The following CFAP20DC variants were observed in gnomAD, a reference collection of about 807,000 sequenced individuals.
CFAP20DC encodes protein CFAP20DC.
In CFAP20DC, 84 loss-of-function variants were observed where a neutral mutation model predicts 101.7. The observed-to-expected ratio is 0.83, with a 90% CI of 0.69 to 0.99. CFAP20DC has a LOEUF of 0.99. CFAP20DC is among the 50% of genes least tolerant of loss of function. CFAP20DC has a pLI of 0.00. For missense variants in CFAP20DC, 1,007 were observed against 970.3 expected (o/e 1.04, Z -0.50); for synonymous variants, 359 against 351.2 (o/e 1.02, Z -0.25).
At chr3:58,962,543 T>A (rs943253860) in intron 4 of CFAP20DC, among the ~76,000 whole-genome samples, 1 of 152,212 alleles carries the variant, frequency 6.6e-6, no homozygotes, top group African/African-American at 2.4e-5. Flanking sequence ...ACTTTACTTT[T>A]AAGCCTGGCT....
At chr3:58,813,389 A>T (rs978670221) in intron 14 of CFAP20DC, among the ~76,000 whole-genome samples, 4 of 151,942 alleles carry the variant, frequency 2.6e-5, no homozygotes, top group Non-Finnish European at 5.9e-5. Context: ...TGCGATTCTA[A>T]TAAGAAATCA....
At chr3:58,970,147 G>A (rs940946279) in intron 4 of CFAP20DC, among the ~76,000 whole-genome samples, 26 of 152,118 alleles carry the variant, frequency 1.7e-4, no homozygotes, top group African/African-American at 6.0e-4. Context: ...CCATTACTAT[G>A]AAACACACTA....
chr3:58,806,014 TTAAAA>T (rs2074026978), intron 15 of CFAP20DC, among the ~76,000 whole-genome samples: 1 of 152,156 alleles, frequency 6.6e-6, no homozygotes, highest in Non-Finnish European at 1.5e-5. Context: ...CAGACACCTA[TTAAAA>T]TAAAATAGTT....
chr3:58,923,406 G>A (rs2085603733), intron 5 of CFAP20DC, among the ~76,000 whole-genome samples: 1 of 151,920 alleles, frequency 6.6e-6, no homozygotes, highest in South Asian at 2.1e-4. Context: ...CGTAGCATCA[G>A]TTTACTGGCA....
intron 12 of CFAP20DC, among the ~76,000 whole-genome samples, chr3:58,849,890 C>G (rs2078069981): frequency 6.6e-6 from 1 of 152,052 alleles, no homozygotes; most frequent in Admixed American, 6.6e-5. Context: ...GCATTTTTAC[C>G]TTATTGTAGG....
intron 3 of CFAP20DC, 132 bp downstream of exon 3, chr3:59,046,097 T>C (rs886676161): frequency 4.6e-6 from 3 of 658,118 alleles, no homozygotes; most frequent in African/African-American, 3.8e-5. Context: ...GCCCTCTAAA[T>C]TAAAAAAAAA....
At chr3:58,907,408 C>A (rs1054356609) in intron 6 of CFAP20DC, among the ~76,000 whole-genome samples, 1 of 152,130 alleles carries the variant, frequency 6.6e-6, no homozygotes, top group African/African-American at 2.4e-5. Flanking sequence ...AGGTTTCTTG[C>A]CAGACCCTGA....
rs2093347951 is a variant in CFAP20DC, at chr3:59,002,945, A to G, written c.278+36612T>C. On this transcript the variant is annotated intron_variant, in intron 4 of 16. Transcript: ENST00000482387. The surrounding 1 kb of genome is among the most constrained non-coding windows in gnomAD (Gnocchi z 4.5). The stretch of plus-strand genomic sequence containing the variant: ...CACTTGCCCAAGGTCTTGGTTACTG[A>G]CAGAGCTATAATGCATCCAAGATTT... 6.6e-6 allele frequency among the ~76,000 whole-genome samples: 1 copy of G among 152,208 alleles called. No homozygotes were observed. The highest frequency in any genetic ancestry group is 2.4e-5 in the African/African-American group (1 of 41,448).
In CFAP20DC at chr3:58,874,115, C is replaced by A. The variant is rs569629376; in HGVS notation, c.716-3806G>T. Among the ~76,000 whole-genome samples, 1 of 152,244 alleles carries A rather than the reference C, an allele frequency of 6.6e-6. No homozygotes were observed. The highest frequency in any genetic ancestry group is 6.5e-5 in the Admixed American group (1 of 15,288). On this transcript the variant is annotated intron_variant, in intron 7 of 16. Coordinates refer to ENST00000482387, the MANE Select transcript of CFAP20DC (RefSeq NM_001394063.1). This position sits in a 1 kb window ranked among gnomAD's most constrained non-coding sequence, Gnocchi z 5.1. ...TTATATCCAGTAGCCTCTTTACCAG[C>A]TCCTCTTCAGTGTCTGAAAGGCACT...
chr3:58,790,860 G>C (rs1046340127), intron 15 of CFAP20DC, among the ~76,000 whole-genome samples: 1 of 152,144 alleles, frequency 6.6e-6, no homozygotes, highest in African/African-American at 2.4e-5. Flanking sequence ...AGTTGGGACT[G>C]GAGTGAGAAA....
chr3:58,848,816 C>T (rs1247452538), intron 13 of CFAP20DC, among the ~76,000 whole-genome samples: 2 of 152,108 alleles, frequency 1.3e-5, no homozygotes, highest in Non-Finnish European at 2.9e-5. Flanking sequence ...TTATCTTTCT[C>T]ATTAAAAACA....
At chr3:58,800,435 A>G (rs1263504433) in intron 15 of CFAP20DC, among the ~76,000 whole-genome samples, 1 of 152,210 alleles carries the variant, frequency 6.6e-6, no homozygotes, top group Non-Finnish European at 1.5e-5. Context: ...TTCTGGCTTA[A>G]GCAAAGGTGG....
At chr3:59,048,559 T>C (rs1700053045) in intron 1 of CFAP20DC, among the ~76,000 whole-genome samples, 1 of 152,164 alleles carries the variant, frequency 6.6e-6, no homozygotes, top group Admixed American at 6.5e-5. Flanking sequence ...TGGGCACATG[T>C]TTTTTTGATA....
chr3:58,869,819 A>G lies in CFAP20DC; in HGVS notation c.853-329T>C, dbSNP rs1364771739. On this transcript the variant is annotated intron_variant, in intron 8 of 16. Transcript: ENST00000482387. This position sits in a 1 kb window ranked among gnomAD's most constrained non-coding sequence, Gnocchi z 4.3. The stretch of plus-strand genomic sequence containing the variant: ...GGAGGAAATTAAAAATAAAAAACCT[A>G]ACATTTGAGAATCTGTTCATCCTAA... 2.6e-5 allele frequency among the ~76,000 whole-genome samples: 4 copies of G among 152,220 alleles called. No homozygotes were observed. In the East Asian group the frequency reaches 5.8e-4, roughly 22 times the overall value.
intron 13 of CFAP20DC, among the ~76,000 whole-genome samples, chr3:58,844,437 G>T (rs2077432173): frequency 7.2e-6 from 1 of 138,902 alleles, no homozygotes; most frequent in Admixed American, 6.9e-5. Context: ...AATGGTAAAG[G>T]GATCAATTCA....
chr3:58,757,525 T>C lies in CFAP20DC; in HGVS notation c.2238-3662A>G, dbSNP rs556989082. 5.2e-4 allele frequency among the ~76,000 whole-genome samples: 79 copies of C among 152,226 alleles called. 1 individual carries two copies. Among genetic ancestry groups the C allele is most frequent in the African/African-American group, 1.9e-3 (77 of 41,566 alleles). ...TCTTTGTGCCATACAAAAGGTTTTA[T>C]TTTTATGTAGTCAAAGGTATCAGCC... On this transcript the variant is annotated intron_variant, in intron 15 of 16. Coordinates refer to ENST00000482387, the MANE Select transcript of CFAP20DC (RefSeq NM_001394063.1).
intron 4 of CFAP20DC, among the ~76,000 whole-genome samples, chr3:58,948,733 T>C (rs917761181): frequency 7.9e-5 from 12 of 152,234 alleles, no homozygotes; most frequent in Non-Finnish European, 1.2e-4. Flanking sequence ...TCATCAGGGA[T>C]ATTGGTCTAA....
chr3:58,815,826 G>A (rs1286347400), intron 14 of CFAP20DC, among the ~76,000 whole-genome samples: 2 of 150,382 alleles, frequency 1.3e-5, no homozygotes, highest in Admixed American at 6.6e-5. Context: ...TCTCACACCA[G>A]TTAGAATGGC....
At position 58,764,337 on chromosome 3, in the gene CFAP20DC, G is replaced by T. The variant is rs961661072; in HGVS notation, c.2238-10474C>A. Among the ~76,000 whole-genome samples the T allele has an allele frequency of 7.2e-5, 11 of 152,188 alleles. No individual in the cohort carries two copies. In the East Asian group the frequency reaches 7.7e-4, roughly 11 times the overall value. On this transcript the variant is annotated intron_variant, in intron 15 of 16. Coordinates refer to ENST00000482387, the MANE Select transcript of CFAP20DC (RefSeq NM_001394063.1). Reference sequence around the variant, plus strand: ...CGTTGGTGTAGGATCCTCCGAGCCAGGCGTGGGATATAATCTCCTGGTGTG... The same window carrying T: ...CGTTGGTGTAGGATCCTCCGAGCCATGCGTGGGATATAATCTCCTGGTGTG...
Sources: gnomAD v4.1 joint callset for allele counts (sites outside exome capture counted in the v4.1 genomes callset) on GRCh38, gnomAD v4.1.1 for gene constraint, Gnocchi (gnomAD v3.1) non-coding constraint, MANE v1.5 for transcripts, NCBI Gene and HGNC (gene_info 2026-07-23, HGNC 2026-07-21) for gene names.